Variants in NR3C1 observed in about 807,000 individuals in gnomAD.
NR3C1 encodes the protein nuclear receptor subfamily 3 group C member 1.
NR3C1 carries 14 observed loss-of-function variants against 74.0 expected under a neutral mutation model. The observed-to-expected ratio is 0.19, with a 90% CI of 0.12 to 0.30. The LOEUF (loss-of-function observed/expected upper bound fraction) is 0.30, where lower values mean the gene tolerates loss of function less well. Ranked by LOEUF, NR3C1 falls within the 10% of genes least tolerant of loss-of-function variation. The pLI is 1.00. For synonymous variants in NR3C1, 308 were observed against 332.5 expected, an observed-to-expected ratio of 0.93 and a Z score of 0.80; for missense variants, 695 against 909.8, an observed-to-expected ratio of 0.76 and a Z score of 3.04.
At chr5:143,309,629 G>GT (rs200870548) in intron 4 of NR3C1, among the ~76,000 whole-genome samples, 44 of 149,026 alleles carry the variant, frequency 3.0e-4, no homozygotes, top group East Asian at 1.2e-3. Flanking sequence ...CTTCCTTGAG[G>GT]TTTTTTTTTT....
chr5:143,306,874 ATTTTTTTTTTTTTTTTTTTTTTTT>A (rs70991802), intron 4 of NR3C1, among the ~76,000 whole-genome samples: 27 of 82,906 alleles, frequency 3.3e-4, no homozygotes, highest in Admixed American at 2.4e-3. Flanking sequence ...GTATGCTTAA[ATTTTTTTTTTTTTTTTTTTTTTTT>A]TTTTTTTTTT....
At chr5:143,332,405 C>T (rs1826159116) in intron 2 of NR3C1, among the ~76,000 whole-genome samples, 3 of 54,998 alleles carry the variant, frequency 5.5e-5, no homozygotes, top group South Asian at 8.0e-4. Flanking sequence ...AACTGGGGCC[C>T]GTTGGGTGGG....
At position 143,314,074 on chromosome 5, in the gene NR3C1, C is replaced by T; in HGVS notation, c.1279G>A (p.Glu427Lys). The change falls in exon 3 of 9, where the codon GAA (glutamate) becomes AAA (lysine). Residue 427 changes from glutamate (E) to lysine (K), a missense_variant. Glu to Lys is a moderately conservative substitution (Grantham distance 56). Transcript: ENST00000394464. The part of the protein sequence containing the change: ...PPKLCLVCSD[E>K]ASGCHYGVLT... Reference sequence around the variant, plus strand: ...ACTCCATAATGACATCCTGAAGCTTCATCAGAGCACACCAGGCAGAGTTTG... The same window carrying T: ...ACTCCATAATGACATCCTGAAGCTTTATCAGAGCACACCAGGCAGAGTTTG... The T allele has an allele frequency of 6.2e-7, 1 of 1,613,826 alleles. No individual in the cohort carries two copies. Among genetic ancestry groups the T allele is most frequent in the Non-Finnish European group, 8.5e-7 (1 of 1,179,744 alleles).
intron 2 of NR3C1, among the ~76,000 whole-genome samples, chr5:143,352,043 A>G (rs1317738591): frequency 6.6e-6 from 1 of 152,222 alleles, no homozygotes; most frequent in East Asian, 1.9e-4. Flanking sequence ...TTTTAGGGGT[A>G]GCTTAATCCC....
intron 1 of NR3C1, among the ~76,000 whole-genome samples, chr5:143,432,238 C>T (rs951271984): frequency 1.3e-5 from 2 of 152,152 alleles, no homozygotes; most frequent in East Asian, 1.9e-4. Context: ...TGATCTGGAT[C>T]GCTGAATTAT....
chr5:143,398,198 C>G (rs1839575157), intron 2 of NR3C1, among the ~76,000 whole-genome samples: 1 of 151,886 alleles, frequency 6.6e-6, no homozygotes, highest in Non-Finnish European at 1.5e-5. Context: ...TAAAACACAA[C>G]AGCTTATGCA....
At chr5:143,338,694 TAA>T (rs1360209252) in intron 2 of NR3C1, among the ~76,000 whole-genome samples, 2 of 152,182 alleles carry the variant, frequency 1.3e-5, no homozygotes, top group Non-Finnish European at 2.9e-5. Flanking sequence ...TTAAAAAAAT[TAA>T]AAGTTTACAA....
intron 2 of NR3C1, among the ~76,000 whole-genome samples, chr5:143,379,067 T>G (rs1224166745): frequency 6.6e-6 from 1 of 152,234 alleles, no homozygotes; most frequent in Non-Finnish European, 1.5e-5. Flanking sequence ...ACCATTCTTT[T>G]CTTACAGGAA....
Position 143,295,438 on chromosome 5 carries a change from G to C in NR3C1, c.2023+22C>G, listed in dbSNP as rs373190364. 5.6e-6 allele frequency: 9 copies of C among 1,610,608 alleles called. No individual in the cohort carries two copies. The African/African-American group carries it at 1.1e-4, about 19-fold the overall frequency. On this transcript the variant is annotated intron_variant, in intron 7 of 8. Transcript: ENST00000394464. ...TTCATATTTCATGCTTTTGACATAA[G>C]GTGAAAAGGTGTTCTACCAACCTGA...
intron 1 of NR3C1, among the ~76,000 whole-genome samples, chr5:143,434,284 G>A (rs1752014443): frequency 6.6e-6 from 1 of 152,142 alleles, no homozygotes; most frequent in African/African-American, 2.4e-5. Context: ...TATCTTCATT[G>A]CCTACAATAG....
At chr5:143,303,275 G>T (rs1818881754) in intron 4 of NR3C1, among the ~76,000 whole-genome samples, 1 of 151,750 alleles carries the variant, frequency 6.6e-6, no homozygotes, top group Non-Finnish European at 1.5e-5. Flanking sequence ...TACTATGAAA[G>T]TATCATTTTT....
chr5:143,394,149 A>G (rs1838782025), intron 2 of NR3C1, among the ~76,000 whole-genome samples: 1 of 152,062 alleles, frequency 6.6e-6, no homozygotes, highest in Non-Finnish European at 1.5e-5. Flanking sequence ...GAAACTTGCT[A>G]AAAAGAAAAA....
At chr5:143,380,504 G>T (rs1481842743) in intron 2 of NR3C1, among the ~76,000 whole-genome samples, 1 of 152,112 alleles carries the variant, frequency 6.6e-6, no homozygotes, top group African/African-American at 2.4e-5. Context: ...GAGAAAAAAA[G>T]CAATGAAGTT....
intron 2 of NR3C1, among the ~76,000 whole-genome samples, chr5:143,375,173 G>C (rs1834958474): frequency 6.6e-6 from 1 of 152,050 alleles, no homozygotes; most frequent in South Asian, 2.1e-4. Flanking sequence ...ATTTTATGCA[G>C]AACAAATTAC....
At chr5:143,325,173 C>A in intron 2 of NR3C1, among the ~76,000 whole-genome samples, 1 of 152,154 alleles carries the variant, frequency 6.6e-6, no homozygotes, top group East Asian at 1.9e-4. Context: ...TAAAGACACA[C>A]CCAAAACTGG....
chr5:143,332,072 T>C (rs908572265), intron 2 of NR3C1, among the ~76,000 whole-genome samples: 1 of 152,260 alleles, frequency 6.6e-6, no homozygotes, highest in African/African-American at 2.4e-5. Flanking sequence ...TGCCAAAACA[T>C]GAATCACAAA....
At chr5:143,362,689 C>T (rs1417965951) in intron 2 of NR3C1, among the ~76,000 whole-genome samples, 1 of 152,060 alleles carries the variant, frequency 6.6e-6, no homozygotes, top group Non-Finnish European at 1.5e-5. Context: ...ATTTGGTTTA[C>T]CTGTCTGGTG....
At chr5:143,404,439 G>A (rs1444105086), upstream of NR3C1, 1 of 985,318 alleles carries the variant, frequency 1.0e-6, no homozygotes, top group African/African-American at 1.7e-5. Context: ...GGGCGGCCGG[G>A]TCTTCAGCTG....
intron 2 of NR3C1, among the ~76,000 whole-genome samples, chr5:143,354,970 G>A (rs10042042): frequency 0.052 from 7,747 of 150,114 alleles, 236 homozygotes; most frequent in Middle Eastern, 0.086. Flanking sequence ...ATCACTGGTC[G>A]TAACAGATAC....
Sources: gnomAD v4.1 joint callset for allele counts (sites outside exome capture counted in the v4.1 genomes callset) on GRCh38, gnomAD v4.1.1 for gene constraint, MANE v1.5 for transcripts, NCBI Gene and HGNC (gene_info 2026-07-23, HGNC 2026-07-21) for gene names.